Variants in EFR3A observed in about 807,000 individuals in gnomAD.
EFR3A encodes EFR3 homolog A.
In EFR3A, 76 loss-of-function variants were observed where a neutral mutation model predicts 104.4. The ratio of observed to expected loss-of-function variants is 0.73; its 90% confidence interval spans 0.60 to 0.88. The LOEUF is 0.88. EFR3A is among the 40% of genes least tolerant of loss of function. The pLI is 0.00. For missense variants in EFR3A, 985 were observed against 1,012.5 expected (o/e 0.97, Z 0.37); for synonymous variants, 330 against 330.0 (o/e 1.00, Z 0.00).
Position 131,970,547 on chromosome 8 carries a change from G to T in EFR3A, c.1063G>T (p.Asp355Tyr). Residue 355 changes from aspartate to tyrosine, a missense_variant, in exon 10 of 23, where the codon GAT (aspartate) becomes TAT (tyrosine). By Grantham distance (160) the Asp-to-Tyr change is radical. Transcript: ENST00000254624. ...LRLSVEFEAN[D>Y]LQGGSVGSVN... ...TCTCAGCGTTGAATTCGAAGCAAATGATTTACAGGGGGGATCTGTAGGCAG... is the reference window on the plus strand; with the variant it reads ...TCTCAGCGTTGAATTCGAAGCAAATTATTTACAGGGGGGATCTGTAGGCAG... 4 of 1,613,868 alleles carry T rather than the reference G, an allele frequency of 2.5e-6. No individual in the cohort carries two copies. The highest frequency in any genetic ancestry group is 3.4e-6 in the Non-Finnish European group (4 of 1,179,814).
chr8:132,008,846 CAAAAAAAAAAAAAAAAAAAA>C lies in EFR3A; in HGVS notation c.2361-1935_2361-1916del, dbSNP rs55964352. On this transcript the variant is annotated intron_variant, in intron 22 of 22. Coordinates refer to ENST00000254624, the MANE Select transcript of EFR3A (RefSeq NM_015137.6). ...GGGTGACAAGAGTAAAACTCCATCT[CAAAAAAAAAAAAAAAAAAAA>C]AAAAAAAAGAAAGTGTTCATTATCT... Among the ~76,000 whole-genome samples the C allele has an allele frequency of 1.1e-3, 37 of 32,174 alleles. 1 individual carries two copies. The highest frequency in any genetic ancestry group is 4.3e-3 in the African/African-American group (37 of 8,534). 21.1% of individuals were successfully genotyped at this position (32,174 alleles called of 152,430 possible). A position where few individuals can be genotyped will look rare whatever the true frequency, so the allele number is the denominator to read the frequency against.
chr8:131,979,296 T>C (rs759088463), intron 13 of EFR3A, 50 bp from the exon 14 acceptor site: 2 of 1,315,850 alleles, frequency 1.5e-6, no homozygotes, highest in African/African-American at 1.5e-5. Flanking sequence ...AGATGTGATA[T>C]TGTAAATAAG....
intron 1 of EFR3A, among the ~76,000 whole-genome samples, chr8:131,919,356 G>A (rs999878676): frequency 6.6e-6 from 1 of 152,084 alleles, no homozygotes; most frequent in Non-Finnish European, 1.5e-5. Context: ...CCAGCACTTT[G>A]GGCGGTCGAG....
chr8:132,003,158 CTCT>C, intron 21 of EFR3A, 75 bp from the exon 22 acceptor site: 1 of 1,154,300 alleles, frequency 8.7e-7, no homozygotes, highest in Non-Finnish European at 1.3e-6. Flanking sequence ...TATACTTTGT[CTCT>C]TAAGTTACAT....
chr8:131,962,466 C>CTA (rs1819417775), intron 8 of EFR3A, among the ~76,000 whole-genome samples: 1 of 152,136 alleles, frequency 6.6e-6, no homozygotes, highest in African/African-American at 2.4e-5. Flanking sequence ...ACAAAGAAGG[C>CTA]TATTACATAA....
At position 131,975,659 on chromosome 8, in the gene EFR3A, G is replaced by A. The variant is rs148332693; in HGVS notation, c.1160-368G>A. On this transcript the variant is annotated intron_variant, in intron 10 of 22. Transcript: ENST00000254624. ...TCGAACTCCCAACCTCAGGTGATCC[G>A]CACACCTCGGCCTCCCAAAGTGTTG... is the stretch of plus-strand genomic sequence containing the variant. 7.9e-4 allele frequency among the ~76,000 whole-genome samples: 120 copies of A among 151,836 alleles called. 3 individuals carry two copies. In the East Asian group the frequency reaches 0.023, roughly 29 times the overall value.
At chr8:131,983,304 G>A (rs1019331144) in intron 14 of EFR3A, among the ~76,000 whole-genome samples, 2 of 152,254 alleles carry the variant, frequency 1.3e-5, no homozygotes, top group East Asian at 1.9e-4. Context: ...CCACTGACCA[G>A]TTACATCATA....
At chr8:131,994,521 A>G (rs1224743848) in intron 18 of EFR3A, among the ~76,000 whole-genome samples, 1 of 152,202 alleles carries the variant, frequency 6.6e-6, no homozygotes, top group Non-Finnish European at 1.5e-5. Context: ...GGAACTCTGC[A>G]TTAAGCAGTG....
intron 4 of EFR3A, 22 bp from the exon 5 acceptor site, chr8:131,949,942 GTATAT>G (rs753704571): frequency 1.9e-5 from 30 of 1,549,524 alleles, no homozygotes; most frequent in East Asian, 1.6e-4. Context: ...AGAAGGTGAA[GTATAT>G]TATATTATTT....
At chr8:131,907,552 T>C (rs1816312912) in intron 1 of EFR3A, among the ~76,000 whole-genome samples, 1 of 152,252 alleles carries the variant, frequency 6.6e-6, no homozygotes, top group Non-Finnish European at 1.5e-5. Flanking sequence ...GTAATAATAA[T>C]ATGGTTACTC....
At chr8:132,008,225 A>T (rs1286030387) in intron 22 of EFR3A, among the ~76,000 whole-genome samples, 1 of 152,112 alleles carries the variant, frequency 6.6e-6, no homozygotes, top group African/African-American at 2.4e-5. Context: ...AAATAAAAAG[A>T]CAATTTTCAG....
At chr8:131,981,347 A>T (rs954594729) in intron 14 of EFR3A, among the ~76,000 whole-genome samples, 2 of 152,084 alleles carry the variant, frequency 1.3e-5, no homozygotes, top group Non-Finnish European at 2.9e-5. Flanking sequence ...TTGAATCCTT[A>T]AACTGTTCTC....
At chr8:131,952,405 TGTAGCTATA>T (rs1306115828) in intron 5 of EFR3A, among the ~76,000 whole-genome samples, 1 of 152,196 alleles carries the variant, frequency 6.6e-6, no homozygotes, top group Non-Finnish European at 1.5e-5. Context: ...GATGAAGCTG[TGTAGCTATA>T]GTAGCTATTG....
intron 14 of EFR3A, among the ~76,000 whole-genome samples, chr8:131,979,752 A>G (rs1820514176): frequency 6.6e-6 from 1 of 152,134 alleles, no homozygotes. Context: ...TTATATAGAC[A>G]GCTTCAAGTT....
chr8:131,952,098 T>C (rs1359802936), intron 5 of EFR3A, among the ~76,000 whole-genome samples: 1 of 152,082 alleles, frequency 6.6e-6, no homozygotes, highest in Non-Finnish European at 1.5e-5. Flanking sequence ...TCTTTAACTC[T>C]AATTTTCTGA....
chr8:131,995,656 T>C (rs1821438049), intron 18 of EFR3A, among the ~76,000 whole-genome samples: 1 of 152,172 alleles, frequency 6.6e-6, no homozygotes, highest in Non-Finnish European at 1.5e-5. Flanking sequence ...TTAAAAGCGC[T>C]GTCAGAAGAG....
intron 1 of EFR3A, among the ~76,000 whole-genome samples, chr8:131,930,147 C>A (rs1817515098): frequency 6.6e-6 from 1 of 152,092 alleles, no homozygotes; most frequent in Admixed American, 6.6e-5. Context: ...AGGAGAAACT[C>A]TTAAGAGTTT....
At chr8:131,967,254 A>G (rs1423501638) in intron 8 of EFR3A, among the ~76,000 whole-genome samples, 1 of 152,174 alleles carries the variant, frequency 6.6e-6, no homozygotes, top group Non-Finnish European at 1.5e-5. Flanking sequence ...TTAAAAGTAG[A>G]TGTGTATTAT....
chr8:132,011,585 G>A lies in EFR3A; in HGVS notation c.*690G>A, dbSNP rs1241955113. Reference sequence around the variant, plus strand: ...AGTTTGACCATTCTGCTTGAGAAGTGTAGAGCTTACTCTTGGAGTACCAAA... The same window carrying A: ...AGTTTGACCATTCTGCTTGAGAAGTATAGAGCTTACTCTTGGAGTACCAAA... On this transcript the variant is annotated 3_prime_UTR_variant, in exon 23 of 23. Coordinates refer to ENST00000254624, the MANE Select transcript of EFR3A (RefSeq NM_015137.6). 1 of 278,424 alleles carries A rather than the reference G, an allele frequency of 3.6e-6. No homozygotes were observed. The highest frequency in any genetic ancestry group is 5.5e-6 in the Non-Finnish European group (1 of 183,340). 17.2% of individuals were successfully genotyped at this position (278,424 alleles called of 1,614,324 possible).
Sources: gnomAD v4.1 joint callset for allele counts (sites outside exome capture counted in the v4.1 genomes callset) on GRCh38, gnomAD v4.1.1 for gene constraint, MANE v1.5 for transcripts, NCBI Gene and HGNC (gene_info 2026-07-23, HGNC 2026-07-21) for gene names.